ZNF280C: variants seen among roughly 807,000 people sequenced by gnomAD.
ZNF280C encodes the protein zinc finger protein 280C.
In ZNF280C, 14 loss-of-function variants were observed where a neutral mutation model predicts 53.6. The ratio of observed to expected loss-of-function variants is 0.26; its 90% CI spans 0.17 to 0.41. The LOEUF is 0.41. ZNF280C is among the 10% of genes least tolerant of loss of function. The pLI is 1.00. For missense variants in ZNF280C, 416 were observed against 547.1 expected (o/e 0.76, Z 2.39); for synonymous variants, 203 against 181.1 (o/e 1.12, Z -0.97).
At chrX:130,214,315 C>T (rs1391631285) in intron 15 of ZNF280C, among the ~76,000 whole-genome samples, 1 of 111,581 alleles carries the variant, frequency 9.0e-6, no homozygotes, top group Non-Finnish European at 1.9e-5. Context: ...TGAATCAATG[C>T]ATGAAAAGGA....
chrX:130,228,481 C>T (rs2032243414), intron 10 of ZNF280C, among the ~76,000 whole-genome samples: 1 of 109,722 alleles, frequency 9.1e-6, no homozygotes, highest in African/African-American at 3.3e-5. Context: ...TGGGGTTTCT[C>T]CATGTTAGTC....
chrX:130,243,655 G>A lies in ZNF280C; in HGVS notation c.289C>T (p.Pro97Ser). ...FRTASQRCRD[P>S]PSNPVAASPR... ...GAGGCAGCCACTGGATTTGATGGTG[G>A]GTCTCTGCAGCGTTGACTTGCAGTC... Residue 97 changes from proline to serine, a missense_variant, in exon 5 of 19, where the codon CCA (proline) becomes TCA (serine). Pro to Ser is a moderately conservative substitution (Grantham distance 74). This residue lies in a region of ZNF280C where 193 missense variants were observed against 201.4 expected (regional missense o/e 0.96). Transcript: ENST00000370978. 8.3e-7 allele frequency: 1 copy of A among 1,210,307 alleles called. No homozygotes were observed. Among genetic ancestry groups the A allele is most frequent in the East Asian group, 3.0e-5 (1 of 33,817 alleles).
chrX:130,220,433 G>A lies in ZNF280C; in HGVS notation c.1443C>T (p.Thr481=), dbSNP rs376223788. Residue 481 remains threonine, a synonymous_variant, in exon 13 of 19, where the codon ACC becomes ACT. Transcript: ENST00000370978. ...RCPKCRLQFL[T]SKEKAEHKAQ... Reference sequence around the variant, plus strand: ...CCTTATGTTCAGCTTTCTCCTTGCTGGTCAAAAATTGTAGTCTGCATTTTG... The same window carrying A: ...CCTTATGTTCAGCTTTCTCCTTGCTAGTCAAAAATTGTAGTCTGCATTTTG... 5.0e-6 allele frequency: 6 copies of A among 1,202,621 alleles called. No homozygotes were observed. In the East Asian group the frequency reaches 8.9e-5, roughly 18 times the overall value.
chrX:130,214,912 T>C (rs2032083168), intron 15 of ZNF280C, among the ~76,000 whole-genome samples: 1 of 111,695 alleles, frequency 9.0e-6, no homozygotes, highest in Non-Finnish European at 1.9e-5. Flanking sequence ...TAACCACTTT[T>C]TGAAAGACAT....
At chrX:130,218,378 C>T (rs1326586204) in intron 13 of ZNF280C, among the ~76,000 whole-genome samples, 1 of 111,706 alleles carries the variant, frequency 9.0e-6, no homozygotes, top group African/African-American at 3.3e-5. Context: ...ATCAATTCAT[C>T]ACACAGCATG....
chrX:130,268,874 C>T lies in ZNF280C; in HGVS notation c.-129G>A, dbSNP rs1019285048. ...GGCGACAGCCTCAGCAACAGCGACT[C>T]CCCCGGAGACTTCCAGCGCGGAACC... On this transcript the variant is annotated 5_prime_UTR_variant, in exon 1 of 19. Coordinates refer to ENST00000370978, the MANE Select transcript of ZNF280C (RefSeq NM_017666.5). The T allele has an allele frequency of 2.7e-5, 3 of 112,626 alleles. No individual in the cohort carries two copies. The highest frequency in any genetic ancestry group is 3.7e-4 in the South Asian group (1 of 2,707). 9.3% of individuals were successfully genotyped at this position (112,626 alleles called of 1,213,427 possible).
chrX:130,210,965 T>C (rs2032033902), intron 15 of ZNF280C, among the ~76,000 whole-genome samples: 2 of 111,949 alleles, frequency 1.8e-5, no homozygotes. Flanking sequence ...CAGAAATCTG[T>C]TTTCCCAAGT....
intron 2 of ZNF280C, among the ~76,000 whole-genome samples, chrX:130,249,241 CCT>C (rs1051699075): frequency 1.2e-4 from 13 of 112,193 alleles, no homozygotes; most frequent in East Asian, 2.8e-4. Context: ...CCCCTGCACC[CCT>C]GAGCCATGCT....
In ZNF280C at chrX:130,247,005, T is replaced by C. The variant is rs754293813; in HGVS notation, c.32A>G (p.Asn11Ser). MDDDKPFQPKNISKMAELFME... is the reference protein window; with the variant it reads MDDDKPFQPKSISKMAELFME... ...AAAGAGTTCTGCCATTTTTGAAATG[T>C]CTAATTTTCAAGAGAAGAGAAGCTA... Residue 11 changes from asparagine (N) to serine (S), a missense_variant and splice_region_variant, in exon 3 of 19, where the codon AAC becomes AGC. By Grantham distance (46) the Asn-to-Ser change is conservative. Coordinates refer to ENST00000370978, the MANE Select transcript of ZNF280C (RefSeq NM_017666.5). The C allele has an allele frequency of 8.4e-7, 1 of 1,197,424 alleles. No homozygotes were observed. Among genetic ancestry groups the C allele is most frequent in the Middle Eastern group, 2.3e-4 (1 of 4,303 alleles).
chrX:130,243,242 G>T (rs1019635132), intron 5 of ZNF280C, among the ~76,000 whole-genome samples: 1 of 111,585 alleles, frequency 9.0e-6, no homozygotes, highest in East Asian at 2.8e-4. Flanking sequence ...GAATGCAGTG[G>T]TATGATCTTG....
chrX:130,229,386 T>C (rs2032255212), intron 9 of ZNF280C, among the ~76,000 whole-genome samples: 1 of 112,019 alleles, frequency 8.9e-6, no homozygotes, highest in Admixed American at 9.5e-5. Context: ...ACTAATTTGC[T>C]GTAACACTAT....
intron 8 of ZNF280C, among the ~76,000 whole-genome samples, chrX:130,233,896 TTAAA>T (rs1298750505): frequency 9.2e-6 from 1 of 108,500 alleles, no homozygotes; most frequent in African/African-American, 3.4e-5. Flanking sequence ...AAATAAAGCG[TTAAA>T]TAAAGACAAG....
intron 3 of ZNF280C, among the ~76,000 whole-genome samples, chrX:130,244,703 G>A (rs987837980): frequency 1.9e-5 from 2 of 106,128 alleles, no homozygotes; most frequent in African/African-American, 3.5e-5. Context: ...GTGTGAACCC[G>A]GGAGGTGGAG....
chrX:130,260,372 G>T (rs150094252), intron 2 of ZNF280C, 47 bp downstream of exon 2: 2 of 1,123,092 alleles, frequency 1.8e-6, no homozygotes, highest in South Asian at 2.1e-5. Context: ...AAGGTTTACA[G>T]TACAAAAACC....
chrX:130,268,474 G>C (rs939574101), intron 1 of ZNF280C, among the ~76,000 whole-genome samples: 1 of 112,134 alleles, frequency 8.9e-6, no homozygotes, highest in Non-Finnish European at 1.9e-5. Flanking sequence ...CTCAGGAGGT[G>C]AGAAGGCTGC....
At chrX:130,226,184 G>A (rs888355991) in intron 12 of ZNF280C, among the ~76,000 whole-genome samples, 54 of 112,192 alleles carry the variant, frequency 4.8e-4, no homozygotes, top group Admixed American at 2.4e-3. Context: ...CACATATCTG[G>A]TCATAAGTGT....
rs1369202952 is a variant in ZNF280C, at chrX:130,204,074, T to C, written c.*903A>G. On this transcript the variant is annotated 3_prime_UTR_variant, in exon 19 of 19. Coordinates refer to ENST00000370978, the MANE Select transcript of ZNF280C (RefSeq NM_017666.5). ...CAACTGTGTCTTTGGGAACTGTAAT[T>C]GTAGAAATTTTCTTTATCCAAGAAC... 9.0e-6 allele frequency: 1 copy of C among 111,430 alleles called. No individual in the cohort carries two copies. The highest frequency in any genetic ancestry group is 3.3e-5 in the African/African-American group (1 of 30,628). The allele number at this position is 111,430 out of a possible 1,213,427, so 9.2% of individuals were successfully genotyped here. A position where few individuals can be genotyped will look rare whatever the true frequency, so the allele number is the denominator to read the frequency against.
In ZNF280C at chrX:130,220,373, T is replaced by C. The variant is rs1156230032; in HGVS notation, c.1503A>G (p.Leu501=). ...CTTTTGCTCCAGGAGGCAATCCTTCTAGTTCTTTAGGCTTTATAAATGTAC... is the reference window on the plus strand; with the variant it reads ...CTTTTGCTCCAGGAGGCAATCCTTCCAGTTCTTTAGGCTTTATAAATGTAC... ...QHRTFIKPKE[L]EGLPPGAKVT... Residue 501 remains leucine (L), a synonymous_variant, in exon 13 of 19, where the codon CTA becomes CTG. Coordinates refer to ENST00000370978, the MANE Select transcript of ZNF280C (RefSeq NM_017666.5). 8.5e-7 allele frequency: 1 copy of C among 1,175,243 alleles called. No homozygotes were observed.
At chrX:130,255,793 A>G (rs1345315614) in intron 2 of ZNF280C, among the ~76,000 whole-genome samples, 1 of 111,383 alleles carries the variant, frequency 9.0e-6, no homozygotes, top group African/African-American at 3.3e-5. Flanking sequence ...TGTCCCTACT[A>G]AAAATACAAA....
Sources: allele counts gnomAD v4.1 joint callset (sites outside exome capture counted in the v4.1 genomes callset), GRCh38; gene constraint gnomAD v4.1.1; regional missense constraint gnomAD v4.1.1; transcripts MANE v1.5; gene names NCBI Gene and HGNC (gene_info 2026-07-23, HGNC 2026-07-21).